Variants in DPYD observed in about 807,000 individuals in gnomAD.
DPYD encodes the protein dihydropyrimidine dehydrogenase [NADP(+)].
DPYD carries 109 observed loss-of-function variants against 116.2 expected under a neutral mutation model. The ratio of observed to expected loss-of-function variants is 0.94; its 90% CI spans 0.80 to 1.10. The LOEUF is 1.10. DPYD is among the 50% of genes least tolerant of loss of function. The pLI is 0.00. For missense variants in DPYD, 1,302 were observed against 1,254.5 expected, an observed-to-expected ratio of 1.04 and a Z score of -0.57; for synonymous variants, 440 against 432.0, an observed-to-expected ratio of 1.02 and a Z score of -0.23.
intron 6 of DPYD, among the ~76,000 whole-genome samples, chr1:97,695,373 A>G (rs192100777): frequency 6.7e-6 from 1 of 148,374 alleles, no homozygotes; most frequent in African/African-American, 2.5e-5. Context: ...ATCTATTCTG[A>G]GTATCTAGTA....
chr1:97,749,402 T>A (rs1469512864), intron 3 of DPYD, among the ~76,000 whole-genome samples: 1 of 152,210 alleles, frequency 6.6e-6, no homozygotes, highest in East Asian at 1.9e-4. Context: ...GCACTGGTCA[T>A]ATGAATTGAC....
In DPYD at chr1:97,305,315, C is replaced by T. The variant is rs1667091900; in HGVS notation, c.2243G>A (p.Gly748Asp). 5 of 1,612,270 alleles carry T rather than the reference C, an allele frequency of 3.1e-6. No homozygotes were observed. The East Asian group carries it at 1.1e-4, about 36-fold the overall frequency. ...AATCCCCACTGCTGGCCAAGGTGTG[C>T]CATCAGATTTTAATCCCATCAGACC... ...VSGLMGLKSD[G>D]TPWPAVGIAK... Residue 748 changes from glycine to aspartate, a missense_variant, in exon 18 of 23, where the codon GGC (glycine) becomes GAC (aspartate). By Grantham distance (94) the Gly-to-Asp change is moderately conservative. Coordinates refer to ENST00000370192, the MANE Select transcript of DPYD (RefSeq NM_000110.4).
chr1:97,440,144 G>A (rs1174074630), intron 14 of DPYD, among the ~76,000 whole-genome samples: 10 of 151,770 alleles, frequency 6.6e-5, no homozygotes, highest in South Asian at 2.1e-4. Flanking sequence ...GCATGGTGAC[G>A]CATGCCTGTA....
At chr1:97,729,994 C>T (rs1663495448) in intron 4 of DPYD, among the ~76,000 whole-genome samples, 1 of 152,128 alleles carries the variant, frequency 6.6e-6, no homozygotes, top group Admixed American at 6.6e-5. Context: ...AGACCTTTAT[C>T]AATACTTCAG....
In DPYD at chr1:97,604,912, T is replaced by C. The variant is rs1288956882; in HGVS notation, c.851-9746A>G. 2.0e-5 allele frequency among the ~76,000 whole-genome samples: 3 copies of C among 152,108 alleles called. No homozygotes were observed. The East Asian group carries it at 5.8e-4, about 29-fold the overall frequency. On this transcript the variant is annotated intron_variant, in intron 8 of 22. Transcript: ENST00000370192. The stretch of plus-strand genomic sequence containing the variant: ...AAGACTATATTAAAACAGAGTACCT[T>C]TTAGAAGTATGCATTTTATTGTGTA...
intron 19 of DPYD, among the ~76,000 whole-genome samples, chr1:97,231,344 G>A (rs748036266): frequency 3.3e-5 from 5 of 152,176 alleles, no homozygotes; most frequent in Admixed American, 1.3e-4. Context: ...TGCTAGTCAT[G>A]TGACTGCTAT....
intron 19 of DPYD, among the ~76,000 whole-genome samples, chr1:97,214,988 G>T (rs993616436): frequency 6.6e-6 from 1 of 152,178 alleles, no homozygotes; most frequent in Non-Finnish European, 1.5e-5. Context: ...AGCTAGAATA[G>T]AGGGCTGTAC....
chr1:97,602,802 C>A (rs189891963), intron 8 of DPYD, among the ~76,000 whole-genome samples: 2 of 151,708 alleles, frequency 1.3e-5, no homozygotes, highest in East Asian at 3.9e-4. Flanking sequence ...AAAGAAGTAC[C>A]TTTTTCTTCA....
chr1:97,099,906 A>G (rs2101598302), intron 20 of DPYD, among the ~76,000 whole-genome samples: 1 of 152,258 alleles, frequency 6.6e-6, no homozygotes, highest in South Asian at 2.1e-4. Flanking sequence ...ATGTTAGCAA[A>G]GAACATACTT....
intron 13 of DPYD, among the ~76,000 whole-genome samples, chr1:97,492,727 C>T (rs976631592): frequency 1.3e-5 from 2 of 152,014 alleles, no homozygotes; most frequent in African/African-American, 2.4e-5. Flanking sequence ...AGATAATAAA[C>T]ATTTTTATCC....
intron 12 of DPYD, among the ~76,000 whole-genome samples, chr1:97,526,495 C>G (rs372754829): frequency 8.7e-4 from 132 of 152,182 alleles, no homozygotes; most frequent in African/African-American, 2.9e-3. Context: ...GAGGGGGACT[C>G]AAATAATAGT....
At chr1:97,583,633 T>C (rs1343938263) in intron 10 of DPYD, among the ~76,000 whole-genome samples, 1 of 148,584 alleles carries the variant, frequency 6.7e-6, no homozygotes, top group Non-Finnish European at 1.5e-5. Flanking sequence ...TTTTTATATA[T>C]TGCTTGCTCG....
intron 8 of DPYD, among the ~76,000 whole-genome samples, chr1:97,626,112 A>T (rs907149865): frequency 6.6e-6 from 1 of 152,064 alleles, no homozygotes; most frequent in Non-Finnish European, 1.5e-5. Context: ...TCTATCCGTG[A>T]TGCCTGAAAT....
intron 18 of DPYD, among the ~76,000 whole-genome samples, chr1:97,285,525 C>G (rs180729107): frequency 6.6e-6 from 1 of 152,202 alleles, no homozygotes; most frequent in East Asian, 1.9e-4. Flanking sequence ...TCAGAAATAC[C>G]TGGTCAGAAA....
At chr1:97,256,167 G>A (rs1038613742) in intron 18 of DPYD, among the ~76,000 whole-genome samples, 1 of 152,098 alleles carries the variant, frequency 6.6e-6, no homozygotes, top group African/African-American at 2.4e-5. Flanking sequence ...CCTCCAGGAT[G>A]TCTTTTATTG....
At position 97,912,918 on chromosome 1, in the gene DPYD, T is replaced by G. The variant is rs142170483; in HGVS notation, c.39+7966A>C. Among the ~76,000 whole-genome samples, 601 of 152,216 alleles carry G rather than the reference T, an allele frequency of 3.9e-3. 5 individuals are homozygous for G. Among genetic ancestry groups the G allele is most frequent in the African/African-American group, 0.014 (575 of 41,536 alleles). ...GGTCACTGTGGTACAAGGAGTCAGA[T>G]TAGTATAGCTTGAATTCTGGGGACC... is the stretch of plus-strand genomic sequence containing the variant. On this transcript the variant is annotated intron_variant, in intron 1 of 22. Coordinates refer to ENST00000370192, the MANE Select transcript of DPYD (RefSeq NM_000110.4).
chr1:97,469,038 C>T (rs1397908797), intron 13 of DPYD, among the ~76,000 whole-genome samples: 1 of 152,162 alleles, frequency 6.6e-6, no homozygotes, highest in Non-Finnish European at 1.5e-5. Flanking sequence ...ATTATCAGAG[C>T]TGGCTCTGTG....
intron 3 of DPYD, among the ~76,000 whole-genome samples, chr1:97,780,821 T>G (rs1209113486): frequency 6.6e-6 from 1 of 152,222 alleles, no homozygotes; most frequent in Non-Finnish European, 1.5e-5. Context: ...TCGCTCAATT[T>G]GCAGAGTAAT....
chr1:97,703,284 G>C (rs919019077), intron 5 of DPYD, among the ~76,000 whole-genome samples: 3 of 151,970 alleles, frequency 2.0e-5, no homozygotes, highest in Non-Finnish European at 4.4e-5. Context: ...TTAGAAGTAT[G>C]GCATTGAAAC....
Sources: allele counts gnomAD v4.1 joint callset (sites outside exome capture counted in the v4.1 genomes callset), GRCh38; gene constraint gnomAD v4.1.1; transcripts MANE v1.5; gene names NCBI Gene and HGNC (gene_info 2026-07-23, HGNC 2026-07-21).